Variants in TDRD1 observed in about 807,000 individuals in gnomAD.
TDRD1 encodes the protein tudor domain containing 1.
A neutral mutation model predicts 140.6 loss-of-function variants in TDRD1; 37 were observed. The observed-to-expected ratio is 0.26, with a 90% confidence interval of 0.20 to 0.35. The LOEUF is 0.35. TDRD1 is among the 10% of genes least tolerant of loss of function. TDRD1 has a pLI of 1.00. For missense variants in TDRD1, 1,243 were observed against 1,393.0 expected, an observed-to-expected ratio of 0.89 and a Z score of 1.71; for synonymous variants, 506 against 475.7, an observed-to-expected ratio of 1.06 and a Z score of -0.83.
intron 21 of TDRD1, among the ~76,000 whole-genome samples, chr10:114,224,997 A>G (rs904245326): frequency 2.6e-5 from 4 of 152,202 alleles, no homozygotes; most frequent in African/African-American, 9.7e-5. Flanking sequence ...TGGCTCTGCC[A>G]TCTCACTGCA....
At chr10:114,202,822 A>T (rs1187075083) in intron 6 of TDRD1, among the ~76,000 whole-genome samples, 3 of 152,022 alleles carry the variant, frequency 2.0e-5, no homozygotes, top group Admixed American at 6.6e-5. Flanking sequence ...CACCATTTTC[A>T]TTTTTTTTGA....
chr10:114,188,121 T>C (rs772783175), exon 2 of TDRD1: 15 of 1,604,068 alleles, frequency 9.4e-6, no homozygotes, highest in African/African-American at 1.3e-5. Context: ...GGAGAAGTAG[T>C]TGGCTCCAAA....
chr10:114,210,945 T>TA lies in TDRD1; in HGVS notation c.1639dup (p.Ile547AsnfsTer10). The TA allele has an allele frequency of 6.2e-7, 1 of 1,614,110 alleles. No individual in the cohort carries two copies. The highest frequency in any genetic ancestry group is 8.5e-7 in the Non-Finnish European group (1 of 1,179,950). On this transcript the variant is annotated frameshift_variant, in exon 13 of 26. Transcript: ENST00000251864. LOFTEE classifies it high-confidence loss of function. Reference sequence around the variant, plus strand: ...CTGATTTTTATCCAGCCATTGGTGATATATGTTGTGCTCAGTTCTCAGGTA... The same window carrying TA: ...CTGATTTTTATCCAGCCATTGGTGATAATATGTTGTGCTCAGTTCTCAGGTA...
chr10:114,203,692 C>T, intron 8 of TDRD1, 125 bp downstream of exon 8: 1 of 808,642 alleles, frequency 1.2e-6, no homozygotes, highest in Non-Finnish European at 1.9e-6. Context: ...GCTTCTATTC[C>T]TCTTCAGTAT....
At chr10:114,218,614 C>T in intron 18 of TDRD1, 30 bp downstream of exon 18, 1 of 1,472,074 alleles carries the variant, frequency 6.8e-7, no homozygotes. Flanking sequence ...ACTTTCTCAA[C>T]TTTCTAATAC....
intron 3 of TDRD1, among the ~76,000 whole-genome samples, chr10:114,193,508 G>C (rs1198862747): frequency 6.6e-6 from 1 of 151,896 alleles, no homozygotes; most frequent in African/African-American, 2.4e-5. Flanking sequence ...TGATCAGGCC[G>C]GTCCCGAACT....
chr10:114,227,313 G>C lies in TDRD1; in HGVS notation c.3403+14G>C, dbSNP rs755116129. On this transcript the variant is annotated intron_variant, in intron 23 of 25. Coordinates refer to ENST00000251864, the Ensembl canonical transcript of TDRD1. ...CTTTAAATACAGGTATTCTTTTCAA[G>C]TGTTATTAATAACAGATGTTAAGTG... 1.3e-6 allele frequency: 2 copies of C among 1,546,654 alleles called. No individual in the cohort carries two copies. Among genetic ancestry groups the C allele is most frequent in the Non-Finnish European group, 1.8e-6 (2 of 1,119,126 alleles).
At chr10:114,209,734 A>C (rs1480892148) in intron 11 of TDRD1, among the ~76,000 whole-genome samples, 2 of 152,210 alleles carry the variant, frequency 1.3e-5, no homozygotes, top group African/African-American at 4.8e-5. Flanking sequence ...CTTTGTCTTC[A>C]GAGTCAACCT....
At chr10:114,194,094 T>G (rs1306034093) in intron 3 of TDRD1, among the ~76,000 whole-genome samples, 2 of 152,256 alleles carry the variant, frequency 1.3e-5, no homozygotes, top group African/African-American at 4.8e-5. Flanking sequence ...CTGAGTTCTA[T>G]CTGGTAATAT....
exon 2 of TDRD1, chr10:114,188,135 G>A: frequency 6.3e-7 from 1 of 1,580,754 alleles, no homozygotes; most frequent in Admixed American, 1.9e-5. Flanking sequence ...CTCCAAAGGA[G>A]ACAGGAAAAA....
chr10:114,230,953 G>A (rs2036719315), intron 25 of TDRD1, among the ~76,000 whole-genome samples: 1 of 152,122 alleles, frequency 6.6e-6, no homozygotes. Flanking sequence ...TGTAGTCCCA[G>A]CTACTGGGGA....
At chr10:114,188,021 A>G (rs745671665) in exon 2 of TDRD1, 1 of 1,614,206 alleles carries the variant, frequency 6.2e-7, no homozygotes. Context: ...TGGAAATAAA[A>G]AGAACAATTT....
chr10:114,203,643 A>C, intron 8 of TDRD1, 76 bp downstream of exon 8: 1 of 1,312,992 alleles, frequency 7.6e-7, no homozygotes, highest in Admixed American at 2.2e-5. Flanking sequence ...CAGAGCTTTT[A>C]ATGATGCATG....
chr10:114,210,486 G>A (rs2035410465), intron 11 of TDRD1, 95 bp from the exon 12 acceptor site: 4 of 1,259,504 alleles, frequency 3.2e-6, no homozygotes, highest in South Asian at 1.8e-5. Flanking sequence ...TGCAGTCATA[G>A]TCATATTCGT....
At position 114,213,549 on chromosome 10, in the gene TDRD1, A is replaced by G. The variant is rs146500099; in HGVS notation, c.2035A>G (p.Met679Val). ...AGGCTTTGCTGTGGGAGAACAGAGT[A>G]TGGTGACAGATAAACCCAGTGACGT... Residue 679 changes from methionine (M) to valine (V), a missense_variant, in exon 15 of 26, where the codon ATG becomes GTG. By Grantham distance (21) the Met-to-Val change is conservative. Transcript: ENST00000251864. 50 of 1,613,786 alleles carry G rather than the reference A, an allele frequency of 3.1e-5. No homozygotes were observed. In the South Asian group the frequency reaches 4.8e-4, roughly 16 times the overall value.
At chr10:114,210,597 T>C in exon 12 of TDRD1, 1 of 1,593,700 alleles carries the variant, frequency 6.3e-7, no homozygotes. Flanking sequence ...CTGAAGATGT[T>C]GGAAAAATGA....
chr10:114,206,189 C>T (rs2035086969), intron 10 of TDRD1, 55 bp from the exon 11 acceptor site: 1 of 1,304,662 alleles, frequency 7.7e-7, no homozygotes, highest in African/African-American at 1.5e-5. Flanking sequence ...ACGCTTTTCC[C>T]ATAATTCTTT....
At chr10:114,206,310 A>G (rs751634117) in exon 11 of TDRD1, 1 of 1,613,500 alleles carries the variant, frequency 6.2e-7, no homozygotes, top group East Asian at 2.2e-5. Flanking sequence ...CAAGATTCTA[A>G]GAAGGAAAAT....
chr10:114,211,803 A>G lies in TDRD1; in HGVS notation c.1661-63A>G, dbSNP rs2035502519. The G allele has an allele frequency of 4.6e-5, 65 of 1,413,146 alleles. 1 individual carries two copies. In the South Asian group the frequency reaches 8.9e-4, roughly 19 times the overall value. 87.5% of individuals were successfully genotyped at this position (1,413,146 alleles called of 1,614,324 possible). A position where few individuals can be genotyped will look rare whatever the true frequency, so the allele number is the denominator to read the frequency against. On this transcript the variant is annotated intron_variant, in intron 13 of 25. Transcript: ENST00000251864. ...AATGACCATCTCTAAGTTGAGGAAGAAAGGTTTTTATTTACATCTACAGTG... is the reference window on the plus strand; with the variant it reads ...AATGACCATCTCTAAGTTGAGGAAGGAAGGTTTTTATTTACATCTACAGTG...
Sources: allele counts gnomAD v4.1 joint callset (sites outside exome capture counted in the v4.1 genomes callset), GRCh38; gene constraint gnomAD v4.1.1; transcripts MANE v1.5; gene names NCBI Gene and HGNC (gene_info 2026-07-23, HGNC 2026-07-21).